Variants in AGBL4 observed in about 807,000 individuals in gnomAD.
AGBL4 encodes cytosolic carboxypeptidase 6.
In AGBL4, 58 loss-of-function variants were observed where a neutral mutation model predicts 66.4. The observed-to-expected ratio is 0.87, with a 90% confidence interval of 0.71 to 1.09. The LOEUF (loss-of-function observed/expected upper bound fraction) is 1.09. Ranked by LOEUF, AGBL4 falls within the 50% of genes least tolerant of loss-of-function variation. The probability of loss-of-function intolerance (pLI) is 0.00; values close to 1 mark genes in which losing one functional copy is unlikely to be tolerated. For synonymous variants in AGBL4, 234 were observed against 222.9 expected, an observed-to-expected ratio of 1.05 and a Z score of -0.44; for missense variants, 579 against 631.0, an observed-to-expected ratio of 0.92 and a Z score of 0.88.
At chr1:49,968,089 G>T (rs1341664525) in intron 1 of AGBL4, among the ~76,000 whole-genome samples, 22 of 151,992 alleles carry the variant, frequency 1.4e-4, no homozygotes, top group Admixed American at 1.2e-3. Context: ...CAAGCATGAT[G>T]GCAGGCACCT....
chr1:49,585,642 C>T (rs1403371650), intron 3 of AGBL4, among the ~76,000 whole-genome samples: 1 of 152,062 alleles, frequency 6.6e-6, no homozygotes, highest in Non-Finnish European at 1.5e-5. Flanking sequence ...AGATCCCAAG[C>T]AGATGACACA....
At chr1:49,753,856 G>T (rs775474956) in intron 2 of AGBL4, among the ~76,000 whole-genome samples, 1 of 151,848 alleles carries the variant, frequency 6.6e-6, no homozygotes. Context: ...CCACTTCATC[G>T]ATTCAGCTAT....
chr1:49,144,790 A>T (rs1646185655), intron 4 of AGBL4, among the ~76,000 whole-genome samples: 1 of 152,212 alleles, frequency 6.6e-6, no homozygotes, highest in South Asian at 2.1e-4. Flanking sequence ...CCAGAGAGGA[A>T]GACACGTAGT....
chr1:49,820,771 T>C (rs1423204433), intron 2 of AGBL4, among the ~76,000 whole-genome samples: 1 of 152,186 alleles, frequency 6.6e-6, no homozygotes, highest in African/African-American at 2.4e-5. Context: ...AAATGCTGAA[T>C]AACCAAAAGT....
At chr1:49,624,617 T>G (rs1254643435) in intron 3 of AGBL4, among the ~76,000 whole-genome samples, 1 of 152,194 alleles carries the variant, frequency 6.6e-6, no homozygotes, top group African/African-American at 2.4e-5. Context: ...TCTTCTTTCC[T>G]TTCTCCTTCC....
chr1:49,523,680 C>T (rs1435402171), intron 3 of AGBL4, among the ~76,000 whole-genome samples: 1 of 152,010 alleles, frequency 6.6e-6, no homozygotes, highest in Non-Finnish European at 1.5e-5. Flanking sequence ...CTGATGTCAA[C>T]TCAAATTAAT....
chr1:48,850,879 C>T (rs4926767), intron 6 of AGBL4, among the ~76,000 whole-genome samples: 134,937 of 152,226 alleles, frequency 0.89, 60,467 homozygotes, highest in Non-Finnish European at 0.96. Context: ...GATTTTGAGT[C>T]GGAAAACTTG....
intron 1 of AGBL4, among the ~76,000 whole-genome samples, chr1:49,864,929 G>A (rs2148095344): frequency 6.6e-6 from 1 of 152,300 alleles, no homozygotes; most frequent in South Asian, 2.1e-4. Context: ...TGCTGAGGAG[G>A]CTGGGCAAAT....
chr1:48,748,689 G>A (rs923227367), intron 6 of AGBL4, among the ~76,000 whole-genome samples: 2 of 152,166 alleles, frequency 1.3e-5, no homozygotes, highest in African/African-American at 4.8e-5. Flanking sequence ...AGGGTGCAAT[G>A]TGATGATCTG....
chr1:48,904,607 T>TTG (rs1652406688), intron 5 of AGBL4, among the ~76,000 whole-genome samples: 1 of 152,214 alleles, frequency 6.6e-6, no homozygotes, highest in Non-Finnish European at 1.5e-5. Flanking sequence ...CTTGAGCTAA[T>TTG]AACCATGCCT....
intron 3 of AGBL4, among the ~76,000 whole-genome samples, chr1:49,594,421 G>A (rs576644630): frequency 3.3e-5 from 5 of 152,266 alleles, no homozygotes; most frequent in Admixed American, 6.5e-5. Context: ...AGGTATACAT[G>A]TGCCATGGGT....
chr1:49,948,576 TATATATAGAGAG>T (rs1655768547), intron 1 of AGBL4, among the ~76,000 whole-genome samples: 1 of 124,996 alleles, frequency 8.0e-6, no homozygotes, highest in East Asian at 2.2e-4. Flanking sequence ...TATATATATA[TATATATAGAGAG>T]AGAGAGAGAG....
chr1:49,770,956 A>C (rs1320146539), intron 2 of AGBL4, among the ~76,000 whole-genome samples: 1 of 152,068 alleles, frequency 6.6e-6, no homozygotes, highest in African/African-American at 2.4e-5. Flanking sequence ...TTCAAAAACC[A>C]ACTCTTCATT....
intron 5 of AGBL4, among the ~76,000 whole-genome samples, chr1:49,043,241 G>A (rs979394412): frequency 6.6e-6 from 1 of 152,110 alleles, no homozygotes; most frequent in African/African-American, 2.4e-5. Context: ...TTCCCTGGGA[G>A]GATGATCTGT....
rs1644829282 is a variant in AGBL4, at chr1:49,800,354, T to A, written c.157+51042A>T. Among the ~76,000 whole-genome samples, 2 of 115,360 alleles carry A rather than the reference T, an allele frequency of 1.7e-5. 1 individual carries two copies. The highest frequency in any genetic ancestry group is 5.3e-4 in the South Asian group (2 of 3,780). 75.7% of individuals were successfully genotyped at this position (115,360 alleles called of 152,430 possible). A position where few individuals can be genotyped will look rare whatever the true frequency, so the allele number is the denominator to read the frequency against. ...CCATTTATTTTTTTTATTTATTATT[T>A]TTTTTCTCATTTTCTTTTTTTTTAT... On this transcript the variant is annotated intron_variant, in intron 2 of 13. Coordinates refer to ENST00000371839, the MANE Select transcript of AGBL4 (RefSeq NM_032785.4).
chr1:49,829,288 T>C (rs1645594351), intron 2 of AGBL4, among the ~76,000 whole-genome samples: 1 of 152,126 alleles, frequency 6.6e-6, no homozygotes, highest in Admixed American at 6.5e-5. Flanking sequence ...AAGCTGAACC[T>C]TGGAAAATGC....
At chr1:48,775,901 C>T (rs982251398) in intron 6 of AGBL4, among the ~76,000 whole-genome samples, 3 of 152,162 alleles carry the variant, frequency 2.0e-5, no homozygotes, top group Non-Finnish European at 2.9e-5. Context: ...TTCAGGGAGC[C>T]TTCTGGGAGA....
At position 48,857,593 on chromosome 1, in the gene AGBL4, C is replaced by T. The variant is rs889027777; in HGVS notation, c.634+9598G>A. 9.2e-5 allele frequency among the ~76,000 whole-genome samples: 14 copies of T among 152,056 alleles called. No individual in the cohort carries two copies. The South Asian group carries it at 1.5e-3, about 16-fold the overall frequency. On this transcript the variant is annotated intron_variant, in intron 6 of 13. Transcript: ENST00000371839. ...AAAATTAGCCGGGTGTGGTGGCAGG[C>T]GCCTGCAGTCCCAGCTACTCAGGAG...
chr1:48,955,194 G>A (rs1657333168), intron 5 of AGBL4, among the ~76,000 whole-genome samples: 1 of 152,150 alleles, frequency 6.6e-6, no homozygotes, highest in East Asian at 1.9e-4. Flanking sequence ...GCTCACCCTT[G>A]CTCTGGTCCT....
Sources: gnomAD v4.1 joint callset for allele counts (sites outside exome capture counted in the v4.1 genomes callset) on GRCh38, gnomAD v4.1.1 for gene constraint, MANE v1.5 for transcripts, NCBI Gene and HGNC (gene_info 2026-07-23, HGNC 2026-07-21) for gene names.